Variants in ZBTB40 observed in about 807,000 individuals in gnomAD.
ZBTB40 encodes zinc finger and BTB domain-containing protein 40.
Under a neutral mutation model 117.5 loss-of-function variants are expected in ZBTB40, and 60 were observed. The observed-to-expected ratio is 0.51, with a 90% CI of 0.41 to 0.63. The LOEUF (loss-of-function observed/expected upper bound fraction) is 0.63. Among genes scored for constraint, ZBTB40 ranks in the 30% least tolerant of loss-of-function variants. ZBTB40 has a pLI of 0.00. For synonymous variants in ZBTB40, 525 were observed against 577.1 expected (o/e 0.91, Z 1.29); for missense variants, 1,287 against 1,498.5 (o/e 0.86, Z 2.33).
At chr1:22,461,422 A>G (rs1404785922) in intron 1 of ZBTB40, among the ~76,000 whole-genome samples, 1 of 151,236 alleles carries the variant, frequency 6.6e-6, no homozygotes, top group Admixed American at 6.6e-5. Flanking sequence ...ATAGAATCCC[A>G]TAGGCTCTTT....
At position 22,490,380 on chromosome 1, in the gene ZBTB40, T is replaced by A; in HGVS notation, c.432T>A (p.Pro144=). The stretch of plus-strand genomic sequence containing the variant: ...CATTCAGAAAGGAACCAGAGAAGCC[T>A]CAAGTAGAAATCCTTTCATCTGAAG... The part of the protein sequence containing the change: ...SETFRKEPEK[P]QVEILSSEGA... Residue 144 remains proline, a synonymous_variant, in exon 2 of 18, where the codon CCT becomes CCA. Transcript: ENST00000375647. 1 of 1,613,988 alleles carries A rather than the reference T, an allele frequency of 6.2e-7. No homozygotes were observed. Among genetic ancestry groups the A allele is most frequent in the Non-Finnish European group, 8.5e-7 (1 of 1,179,896 alleles).
rs779123734 is a variant in ZBTB40 at position 22,490,337 on chromosome 1, C to T, written c.389C>T (p.Ser130Phe). The T allele has an allele frequency of 1.2e-5, 20 of 1,614,070 alleles. No homozygotes were observed. The highest frequency in any genetic ancestry group is 4.0e-5 in the African/African-American group (3 of 74,942). The change falls in exon 2 of 18, where the codon TCT (serine) becomes TTT (phenylalanine). Residue 130 changes from serine (S) to phenylalanine (F), a missense_variant. By Grantham distance (155) the Ser-to-Phe change is radical. Coordinates refer to ENST00000375647, the MANE Select transcript of ZBTB40 (RefSeq NM_014870.4). Reference protein sequence around the residue: ...SVQGQVVRDVSAPSSETFRKE... With the variant: ...SVQGQVVRDVFAPSSETFRKE... ...CAGGGTCAGGTGGTAAGGGATGTCT[C>T]TGCGCCATCCTCAGAGACATTCAGA...
intron 1 of ZBTB40, among the ~76,000 whole-genome samples, chr1:22,431,764 G>A (rs906502053): frequency 2.0e-5 from 3 of 151,820 alleles, no homozygotes; most frequent in African/African-American, 4.8e-5. Flanking sequence ...GCTGATAAAT[G>A]TGGCCCTTTT....
chr1:22,498,519 T>A (rs921374279), intron 3 of ZBTB40, among the ~76,000 whole-genome samples: 26 of 152,232 alleles, frequency 1.7e-4, no homozygotes, highest in Middle Eastern at 3.2e-3. Context: ...TGCAGCTAAC[T>A]GCCCTCTCCT....
rs773484653 is a variant in ZBTB40 at position 22,508,663 on chromosome 1, C to T, written c.1631C>T (p.Thr544Ile). The change falls in exon 8 of 18, where the codon ACC becomes ATC. Residue 544 changes from threonine to isoleucine, a missense_variant. Around this residue, in one of 2 missense-constraint regions of ZBTB40, gnomAD observed 870 missense variants for 934.4 expected, o/e 0.93. Coordinates refer to ENST00000375647, the MANE Select transcript of ZBTB40 (RefSeq NM_014870.4). ...QLLLVVQETKTCPLDLLMEEI... is the reference protein window; with the variant it reads ...QLLLVVQETKICPLDLLMEEI... ...CTGCTGGTGGTTCAGGAGACAAAGA[C>T]CTGTCCATTGGACCTGCTCATGGAG... 1.2e-5 allele frequency: 20 copies of T among 1,614,216 alleles called. No individual in the cohort carries two copies. Among genetic ancestry groups the T allele is most frequent in the Admixed American group, 3.3e-5 (2 of 60,032 alleles).
chr1:22,433,744 T>C (rs1640633580), intron 1 of ZBTB40, among the ~76,000 whole-genome samples: 1 of 151,188 alleles, frequency 6.6e-6, no homozygotes, highest in Admixed American at 6.6e-5. Flanking sequence ...GCTTCTTCAC[T>C]TCTTTAAAAC....
chr1:22,499,285 G>A (rs1314812928), intron 3 of ZBTB40, among the ~76,000 whole-genome samples: 2 of 152,234 alleles, frequency 1.3e-5, no homozygotes, highest in East Asian at 3.8e-4. Flanking sequence ...AGGGCAGAGA[G>A]AGAAAACACA....
intron 1 of ZBTB40, among the ~76,000 whole-genome samples, chr1:22,477,906 A>C (rs1366810370): frequency 6.6e-6 from 1 of 151,592 alleles, no homozygotes; most frequent in Non-Finnish European, 1.5e-5. Flanking sequence ...CCCCTTTCCC[A>C]CCTACTACTG....
chr1:22,464,322 C>T (rs1303328816), intron 1 of ZBTB40, among the ~76,000 whole-genome samples: 1 of 152,162 alleles, frequency 6.6e-6, no homozygotes, highest in Admixed American at 6.5e-5. Flanking sequence ...AGCCGTGGGC[C>T]CTCTCCCCCA....
chr1:22,507,278 A>G (rs535782568), intron 6 of ZBTB40, among the ~76,000 whole-genome samples: 137 of 152,344 alleles, frequency 9.0e-4, no homozygotes, highest in Non-Finnish European at 1.5e-3. Flanking sequence ...TGGCTAGTAT[A>G]ATACATGTAA....
intron 1 of ZBTB40, among the ~76,000 whole-genome samples, chr1:22,482,800 G>A (rs1208501780): frequency 2.6e-5 from 4 of 152,106 alleles, no homozygotes; most frequent in Admixed American, 1.3e-4. Context: ...GGCCGGGTGC[G>A]GTGGCTCACG....
intron 15 of ZBTB40, among the ~76,000 whole-genome samples, chr1:22,522,158 C>T (rs1192586809): frequency 6.6e-6 from 1 of 152,162 alleles, no homozygotes; most frequent in Non-Finnish European, 1.5e-5. Flanking sequence ...TCATTTCATT[C>T]TCACAACATC....
intron 1 of ZBTB40, among the ~76,000 whole-genome samples, chr1:22,438,576 A>C (rs1444544448): frequency 3.3e-5 from 5 of 152,136 alleles, no homozygotes; most frequent in East Asian, 1.9e-4. Context: ...TCCTATTTTT[A>C]ACTTTTTGAG....
At chr1:22,515,603 C>A (rs1343859269) in intron 12 of ZBTB40, among the ~76,000 whole-genome samples, 1 of 152,162 alleles carries the variant, frequency 6.6e-6, no homozygotes, top group Non-Finnish European at 1.5e-5. Flanking sequence ...CCTCCATCAC[C>A]ATACCTCCTT....
chr1:22,430,051 A>G (rs763325330), intron 1 of ZBTB40, among the ~76,000 whole-genome samples: 13 of 152,260 alleles, frequency 8.5e-5, no homozygotes, highest in Non-Finnish European at 1.8e-4. Flanking sequence ...AAGTTCTTTT[A>G]TCTAAGTATC....
At chr1:22,459,268 G>A (rs1641077521) in intron 1 of ZBTB40, among the ~76,000 whole-genome samples, 1 of 152,028 alleles carries the variant, frequency 6.6e-6, no homozygotes, top group South Asian at 2.1e-4. Flanking sequence ...TAGGATATTT[G>A]CCCCACTCTC....
At chr1:22,484,411 G>C (rs1370672728) in intron 1 of ZBTB40, among the ~76,000 whole-genome samples, 1 of 152,180 alleles carries the variant, frequency 6.6e-6, no homozygotes, top group African/African-American at 2.4e-5. Flanking sequence ...TGGGGTGCTA[G>C]TGTAAATGGT....
intron 12 of ZBTB40, among the ~76,000 whole-genome samples, chr1:22,516,162 G>A (rs1018946707): frequency 1.3e-5 from 2 of 152,164 alleles, no homozygotes; most frequent in African/African-American, 4.8e-5. Flanking sequence ...TACTGAGATG[G>A]GGGAGTGTGT....
At chr1:22,479,934 T>C (rs943586332) in intron 1 of ZBTB40, among the ~76,000 whole-genome samples, 2 of 152,108 alleles carry the variant, frequency 1.3e-5, no homozygotes, top group African/African-American at 4.8e-5. Context: ...GGGGACAGAG[T>C]CTCACTCTGT....
Sources: allele counts gnomAD v4.1 joint callset (sites outside exome capture counted in the v4.1 genomes callset), GRCh38; gene constraint gnomAD v4.1.1; regional missense constraint gnomAD v4.1.1; transcripts MANE v1.5; gene names NCBI Gene and HGNC (gene_info 2026-07-23, HGNC 2026-07-21).